SND1: variants seen among roughly 807,000 people sequenced by gnomAD.
The protein encoded by SND1 is staphylococcal nuclease and tudor domain containing 1, also known as staphylococcal nuclease domain-containing protein 1.
SND1 carries 38 observed loss-of-function variants against 121.7 expected under a neutral mutation model. The ratio of observed to expected loss-of-function variants is 0.31; its 90% confidence interval spans 0.24 to 0.41. The LOEUF is 0.41. Among genes scored for constraint, SND1 ranks in the 10% least tolerant of loss-of-function variants. The pLI, the probability that SND1 is intolerant of heterozygous loss-of-function variation, is 1.00. For synonymous variants in SND1, 401 were observed against 447.4 expected, an observed-to-expected ratio of 0.90 and a Z score of 1.31; for missense variants, 868 against 1,184.6, an observed-to-expected ratio of 0.73 and a Z score of 3.92.
chr7:127,911,514 TTC>T (rs1303232902), intron 14 of SND1, among the ~76,000 whole-genome samples: 1 of 152,002 alleles, frequency 6.6e-6, no homozygotes, highest in Non-Finnish European at 1.5e-5. Flanking sequence ...CTGGCCTCTT[TTC>T]TCTCTCTCTT....
In SND1 at chr7:127,815,283, T is replaced by C. The variant is rs996095976; in HGVS notation, c.1242+7710T>C. On this transcript the variant is annotated intron_variant, in intron 11 of 23. Coordinates refer to ENST00000354725, the MANE Select transcript of SND1 (RefSeq NM_014390.4). Reference sequence around the variant, plus strand: ...AATTAGTTAAGGTAAAATTAAGTGATACTGGATTATGATGGACCCTAAATT... The same window carrying C: ...AATTAGTTAAGGTAAAATTAAGTGACACTGGATTATGATGGACCCTAAATT... Among the ~76,000 whole-genome samples, 5 of 152,150 alleles carry C rather than the reference T, an allele frequency of 3.3e-5. No individual in the cohort carries two copies. In the South Asian group the frequency reaches 1.0e-3, roughly 31 times the overall value.
Position 127,701,260 on chromosome 7 carries a change from C to T in SND1, c.526C>T (p.Leu176Phe). The T allele has an allele frequency of 2.5e-6, 4 of 1,614,038 alleles. No individual in the cohort carries two copies. Among genetic ancestry groups the T allele is most frequent in the Non-Finnish European group, 3.4e-6 (4 of 1,179,942 alleles). ...GAACGGTTCACATACTATCCGGGAT[C>T]TCAAGTATACCATTGAAAACCCAAG... is the stretch of plus-strand genomic sequence containing the variant. ...EGNGSHTIRD[L>F]KYTIENPRHF... Residue 176 changes from leucine to phenylalanine, a missense_variant, in exon 5 of 24, where the codon CTC (leucine) becomes TTC (phenylalanine). Around this residue, in one of 2 missense-constraint regions of SND1, gnomAD observed 743 missense variants for 1,071.3 expected, o/e 0.69. Transcript: ENST00000354725.
intron 16 of SND1, among the ~76,000 whole-genome samples, chr7:128,006,916 C>T (rs888037628): frequency 2.6e-5 from 4 of 152,164 alleles, no homozygotes; most frequent in Admixed American, 2.0e-4. Flanking sequence ...TGTGTCAGCC[C>T]GAGCACACAG....
chr7:127,971,517 A>G (rs530705909), intron 15 of SND1, among the ~76,000 whole-genome samples: 1 of 152,316 alleles, frequency 6.6e-6, no homozygotes, highest in African/African-American at 2.4e-5. Context: ...CATTCTCAGT[A>G]AATAATGAAT....
chr7:127,914,512 A>C (rs1800528602), intron 14 of SND1, among the ~76,000 whole-genome samples: 2 of 152,136 alleles, frequency 1.3e-5, no homozygotes, highest in South Asian at 4.1e-4. Flanking sequence ...TAAGTTGTTT[A>C]ATATGTGTGC....
intron 13 of SND1, among the ~76,000 whole-genome samples, chr7:127,888,779 C>T (rs200720225): frequency 1.3e-5 from 2 of 152,096 alleles, no homozygotes; most frequent in East Asian, 1.9e-4. Flanking sequence ...ATTGTTTAAA[C>T]GTGATTTCAG....
chr7:127,718,721 A>G (rs1216521294), intron 9 of SND1: 1 of 985,444 alleles, frequency 1.0e-6, no homozygotes, highest in East Asian at 1.1e-4. Flanking sequence ...GTTACAGGAC[A>G]TCCTTAGATC....
At position 128,074,710 on chromosome 7, in the gene SND1, T is replaced by C; in HGVS notation, c.1968+20T>C. 6.3e-7 allele frequency: 1 copy of C among 1,592,846 alleles called. No homozygotes were observed. Among genetic ancestry groups the C allele is most frequent in the Non-Finnish European group, 8.6e-7 (1 of 1,169,200 alleles). On this transcript the variant is annotated intron_variant, in intron 17 of 23. Coordinates refer to ENST00000354725, the MANE Select transcript of SND1 (RefSeq NM_014390.4). Reference sequence around the variant, plus strand: ...GAGAAGGTACATGTGGCAGCCCAGCTGTGCTCTCCCTGCCCTCCCGTCCTC... The same window carrying C: ...GAGAAGGTACATGTGGCAGCCCAGCCGTGCTCTCCCTGCCCTCCCGTCCTC...
intron 11 of SND1, among the ~76,000 whole-genome samples, chr7:127,834,193 A>G (rs1480370106): frequency 1.3e-5 from 2 of 152,200 alleles, no homozygotes; most frequent in South Asian, 2.1e-4. Flanking sequence ...CCTGCTTCCA[A>G]TTCCACTGAT....
chr7:127,711,421 C>T (rs552483780), intron 9 of SND1, among the ~76,000 whole-genome samples: 1 of 152,264 alleles, frequency 6.6e-6, no homozygotes, highest in African/African-American at 2.4e-5. Context: ...ATCAGTATCA[C>T]TCCACTGTCA....
At chr7:128,060,741 A>AGTCCATGGTGGGAAGAGTGGC (rs1305337478) in intron 16 of SND1, among the ~76,000 whole-genome samples, 2 of 152,368 alleles carry the variant, frequency 1.3e-5, no homozygotes, top group African/African-American at 2.4e-5. Context: ...TGTGGCAAGA[A>AGTCCATGGTGGGAAGAGTGGC]GTCCATGGTG....
intron 12 of SND1, among the ~76,000 whole-genome samples, chr7:127,887,456 CT>C (rs1166660577): frequency 6.6e-6 from 1 of 152,064 alleles, no homozygotes; most frequent in African/African-American, 2.4e-5. Context: ...CGTTGCCAAA[CT>C]AAAAGAAGAC....
intron 10 of SND1, among the ~76,000 whole-genome samples, chr7:127,788,953 T>C (rs911399718): frequency 6.6e-6 from 1 of 152,200 alleles, no homozygotes; most frequent in South Asian, 2.1e-4. Flanking sequence ...TATAGTACCT[T>C]GTATATATTT....
rs1327491397 is a variant in SND1, at chr7:128,024,939, A to G, written c.1779+33883A>G. Among the ~76,000 whole-genome samples the G allele has an allele frequency of 6.6e-5, 10 of 152,300 alleles. No individual in the cohort carries two copies. In the East Asian group the frequency reaches 1.9e-3, roughly 29 times the overall value. On this transcript the variant is annotated intron_variant, in intron 16 of 23. Transcript: ENST00000354725. ...CAGTAGGTGTTTTAAGACCTCCTCC[A>G]CACTGCAGAGTTTCCAAGGCTGGGA...
intron 16 of SND1, among the ~76,000 whole-genome samples, chr7:128,001,728 T>C (rs1337909220): frequency 6.6e-6 from 1 of 152,128 alleles, no homozygotes; most frequent in African/African-American, 2.4e-5. Context: ...GATCGGGAGT[T>C]CAAGACCAAC....
intron 12 of SND1, among the ~76,000 whole-genome samples, chr7:127,872,015 C>A (rs2116701448): frequency 6.6e-6 from 1 of 152,182 alleles, no homozygotes; most frequent in South Asian, 2.1e-4. Context: ...CGCCTGTAGT[C>A]TAATTCATCA....
intron 1 of SND1, among the ~76,000 whole-genome samples, chr7:127,672,497 C>T (rs1795536424): frequency 6.6e-6 from 1 of 151,912 alleles, no homozygotes; most frequent in South Asian, 2.1e-4. Flanking sequence ...GTAGTCCCAG[C>T]TACTACTCGG....
At chr7:127,745,401 G>A (rs897996874) in intron 10 of SND1, among the ~76,000 whole-genome samples, 5 of 152,150 alleles carry the variant, frequency 3.3e-5, no homozygotes, top group African/African-American at 7.2e-5. Context: ...ATTATGTGAC[G>A]CATGACTACT....
chr7:127,765,124 T>G (rs1347421354), intron 10 of SND1, among the ~76,000 whole-genome samples: 1 of 152,176 alleles, frequency 6.6e-6, no homozygotes, highest in East Asian at 1.9e-4. Flanking sequence ...ACAAATGACA[T>G]CTAGGAACAC....
Sources: gnomAD v4.1 joint callset for allele counts (sites outside exome capture counted in the v4.1 genomes callset) on GRCh38, gnomAD v4.1.1 for gene constraint, gnomAD v4.1.1 regional missense constraint, MANE v1.5 for transcripts, NCBI Gene and HGNC (gene_info 2026-07-23, HGNC 2026-07-21) for gene names.